Variants in PHACTR4 observed in about 807,000 individuals in gnomAD.
PHACTR4 encodes phosphatase and actin regulator 4, also known as protein phosphatase 1, regulatory subunit 124.
A neutral mutation model predicts 72.7 loss-of-function variants in PHACTR4; 51 were observed. The ratio of observed to expected loss-of-function variants is 0.70; its 90% CI spans 0.56 to 0.89. The LOEUF is 0.89. Among genes scored for constraint, PHACTR4 ranks in the 40% least tolerant of loss-of-function variants. The pLI, the probability that PHACTR4 is intolerant of heterozygous loss-of-function variation, is 0.00. For synonymous variants in PHACTR4, 255 were observed against 302.5 expected, an observed-to-expected ratio of 0.84 and a Z score of 1.63; for missense variants, 731 against 861.8, an observed-to-expected ratio of 0.85 and a Z score of 1.90.
intron 2 of PHACTR4, among the ~76,000 whole-genome samples, chr1:28,448,773 A>AC (rs1367459533): frequency 6.9e-6 from 1 of 144,958 alleles, no homozygotes; most frequent in African/African-American, 2.7e-5. Context: ...AAAAAAAAAA[A>AC]AAAAAAAAAA....
intron 2 of PHACTR4, among the ~76,000 whole-genome samples, chr1:28,448,874 G>T (rs1356721164): frequency 1.4e-5 from 2 of 145,630 alleles, no homozygotes; most frequent in Non-Finnish European, 3.0e-5. Context: ...GGGGGCGGGG[G>T]TGGGGGGACA....
At chr1:28,409,851 A>G (rs767605909) in intron 2 of PHACTR4, among the ~76,000 whole-genome samples, 3 of 150,474 alleles carry the variant, frequency 2.0e-5, no homozygotes, top group African/African-American at 4.9e-5. Flanking sequence ...CCCCCTGAAG[A>G]GTAGTTTTTA....
chr1:28,391,427 T>C (rs1653023289), intron 1 of PHACTR4, among the ~76,000 whole-genome samples: 1 of 150,366 alleles, frequency 6.7e-6, no homozygotes, highest in Non-Finnish European at 1.5e-5. Flanking sequence ...ATAATAATAA[T>C]AATAATAAAG....
chr1:28,459,588 G>C (rs757846667), intron 3 of PHACTR4, among the ~76,000 whole-genome samples: 56 of 151,874 alleles, frequency 3.7e-4, no homozygotes, highest in Middle Eastern at 6.8e-3. Context: ...TCTTTGTAGA[G>C]ATGGGGTCTC....
intron 2 of PHACTR4, among the ~76,000 whole-genome samples, chr1:28,427,145 C>A (rs1239496458): frequency 6.6e-6 from 1 of 152,184 alleles, no homozygotes; most frequent in Non-Finnish European, 1.5e-5. Flanking sequence ...TACTTCTCTA[C>A]CAATGATTAA....
chr1:28,383,245 G>GTA (rs1278125204), intron 1 of PHACTR4, among the ~76,000 whole-genome samples: 1 of 152,112 alleles, frequency 6.6e-6, no homozygotes, highest in African/African-American at 2.4e-5. Context: ...GTACCATGCT[G>GTA]TATTGGTTAC....
intron 1 of PHACTR4, among the ~76,000 whole-genome samples, chr1:28,399,078 G>A (rs932183814): frequency 6.6e-6 from 1 of 152,006 alleles, no homozygotes; most frequent in Admixed American, 6.6e-5. Flanking sequence ...TTGGGAGGCC[G>A]AGGCGGGTGG....
intron 1 of PHACTR4, among the ~76,000 whole-genome samples, chr1:28,389,911 A>G (rs555541227): frequency 6.6e-5 from 10 of 152,314 alleles, no homozygotes; most frequent in African/African-American, 1.9e-4. Flanking sequence ...AGGTATCTGT[A>G]CGCTCATGTT....
At chr1:28,483,400 T>C (rs1660404523) in intron 9 of PHACTR4, among the ~76,000 whole-genome samples, 1 of 151,350 alleles carries the variant, frequency 6.6e-6, no homozygotes, top group African/African-American at 2.4e-5. Flanking sequence ...TGAGCTGTGC[T>C]CATGCCCCAC....
intron 6 of PHACTR4, among the ~76,000 whole-genome samples, chr1:28,470,356 G>A (rs1221056483): frequency 1.3e-5 from 2 of 151,882 alleles, no homozygotes; most frequent in East Asian, 3.9e-4. Flanking sequence ...TTGCACCACT[G>A]CACTCTAGCC....
chr1:28,428,212 A>C (rs1165064596), intron 2 of PHACTR4, among the ~76,000 whole-genome samples: 1 of 152,166 alleles, frequency 6.6e-6, no homozygotes, highest in African/African-American at 2.4e-5. Context: ...ATCCCACAAC[A>C]TATGAACCTT....
At chr1:28,439,304 T>C (rs1656836169) in intron 2 of PHACTR4, among the ~76,000 whole-genome samples, 1 of 150,822 alleles carries the variant, frequency 6.6e-6, no homozygotes, top group African/African-American at 2.4e-5. Flanking sequence ...GTTTTTTGTT[T>C]TTCAGAAACA....
intron 1 of PHACTR4, among the ~76,000 whole-genome samples, chr1:28,370,844 A>G (rs1569701121): frequency 6.6e-6 from 1 of 152,022 alleles, no homozygotes; most frequent in African/African-American, 2.4e-5. Context: ...AATGCCAACT[A>G]TTCTGGAGGC....
At chr1:28,411,258 G>T (rs894369109) in intron 2 of PHACTR4, among the ~76,000 whole-genome samples, 1 of 152,150 alleles carries the variant, frequency 6.6e-6, no homozygotes, top group Non-Finnish European at 1.5e-5. Flanking sequence ...TATTGGCCAG[G>T]CTGGTCTTGA....
At chr1:28,492,981 A>G (rs777207684) in intron 12 of PHACTR4, 34 bp from the exon 13 acceptor site, 23 of 1,554,334 alleles carry the variant, frequency 1.5e-5, no homozygotes, top group Non-Finnish European at 2.0e-5. Flanking sequence ...AAGCAGCCAG[A>G]AGAAGCTGAA....
At chr1:28,452,477 C>G (rs1658047789) in intron 2 of PHACTR4, among the ~76,000 whole-genome samples, 1 of 152,212 alleles carries the variant, frequency 6.6e-6, no homozygotes, top group Non-Finnish European at 1.5e-5. Flanking sequence ...CCACTGCACT[C>G]TAGCCTGGGC....
At chr1:28,403,949 G>A (rs1457143021) in intron 1 of PHACTR4, among the ~76,000 whole-genome samples, 1 of 152,110 alleles carries the variant, frequency 6.6e-6, no homozygotes, top group East Asian at 1.9e-4. Context: ...TATTAATTTT[G>A]TTTATCCAGT....
chr1:28,425,382 G>T (rs560885484), intron 2 of PHACTR4, among the ~76,000 whole-genome samples: 4 of 152,330 alleles, frequency 2.6e-5, no homozygotes, highest in African/African-American at 9.6e-5. Context: ...CTCCCAAAGT[G>T]CTGGGATTAC....
rs575466023 is a variant in PHACTR4 at position 28,455,122 on chromosome 1, G to A, written c.17-3963G>A. 8.6e-5 allele frequency among the ~76,000 whole-genome samples: 13 copies of A among 151,334 alleles called. No homozygotes were observed. The East Asian group carries it at 2.5e-3, about 29-fold the overall frequency. On this transcript the variant is annotated intron_variant, in intron 2 of 13. Coordinates refer to ENST00000373839, the MANE Select transcript of PHACTR4 (RefSeq NM_001048183.3). ...TGCCCTCAAGTGATCCACCTGTCTC[G>A]GCCTCCCAAAGTGTTGGGATTACAG...
Sources: gnomAD v4.1 joint callset for allele counts (sites outside exome capture counted in the v4.1 genomes callset) on GRCh38, gnomAD v4.1.1 for gene constraint, MANE v1.5 for transcripts, NCBI Gene and HGNC (gene_info 2026-07-23, HGNC 2026-07-21) for gene names.